The following SLC7A5 variants were observed in gnomAD, a reference collection of about 807,000 sequenced individuals.
SLC7A5 encodes the protein solute carrier family 7 member 5.
SLC7A5 carries 23 observed loss-of-function variants against 50.2 expected under a neutral mutation model. The observed-to-expected ratio is 0.46, with a 90% CI of 0.33 to 0.65. The LOEUF (loss-of-function observed/expected upper bound fraction) is 0.65. Ranked by LOEUF, SLC7A5 falls within the 30% of genes least tolerant of loss-of-function variation. SLC7A5 has a pLI of 0.02. For synonymous variants in SLC7A5, 393 were observed against 330.6 expected, an observed-to-expected ratio of 1.19 and a Z score of -2.05; for missense variants, 578 against 684.4, an observed-to-expected ratio of 0.84 and a Z score of 1.73.
chr16:87,860,395 C>T lies in SLC7A5; in HGVS notation c.538+8490G>A, dbSNP rs1241369446. On this transcript the variant is annotated intron_variant, in intron 1 of 9. Transcript: ENST00000261622. The surrounding 1 kb of genome is among the most constrained non-coding windows in gnomAD (Gnocchi z 4.8). ...ACACACACACACACACACACACACA[C>T]ACACATATATATATAAAGAAAAAGG... Among the ~76,000 whole-genome samples the T allele has an allele frequency of 4.5e-3, 295 of 65,752 alleles. 6 individuals are homozygous for T. The highest frequency in any genetic ancestry group is 0.022 in the Middle Eastern group (2 of 90). 43.1% of individuals were successfully genotyped at this position (65,752 alleles called of 152,430 possible).
At chr16:87,836,450 C>A (rs1294779271) in intron 8 of SLC7A5, 48 bp downstream of exon 8, 2 of 1,600,138 alleles carry the variant, frequency 1.2e-6, no homozygotes, top group African/African-American at 1.3e-5. Flanking sequence ...ACCCACGGAC[C>A]CTGCCTCTGT....
intron 3 of SLC7A5, 94 bp from the exon 4 acceptor site, chr16:87,840,567 GC>G: frequency 9.1e-7 from 1 of 1,093,372 alleles, no homozygotes; most frequent in Non-Finnish European, 1.4e-6. Context: ...TGGTGAGCCT[GC>G]CCCCCGGTGG....
chr16:87,852,407 G>A lies in SLC7A5; in HGVS notation c.539-558C>T, dbSNP rs2055241502. Reference sequence around the variant, plus strand: ...TCACCTGGGGACGGCAGCCTGGGAGGGGCCACAGGGGCCTGTGGTGAGCAG... The same window carrying A: ...TCACCTGGGGACGGCAGCCTGGGAGAGGCCACAGGGGCCTGTGGTGAGCAG... On this transcript the variant is annotated intron_variant, in intron 1 of 9. Transcript: ENST00000261622. The surrounding 1 kb of genome is among the most constrained non-coding windows in gnomAD (Gnocchi z 4.5). Among the ~76,000 whole-genome samples the A allele has an allele frequency of 6.6e-6, 1 of 152,176 alleles. No individual in the cohort carries two copies. Among genetic ancestry groups the A allele is most frequent in the African/African-American group, 2.4e-5 (1 of 41,438 alleles).
At chr16:87,846,597 C>T (rs1177950825) in intron 2 of SLC7A5, among the ~76,000 whole-genome samples, 1 of 152,180 alleles carries the variant, frequency 6.6e-6, no homozygotes, top group African/African-American at 2.4e-5. Flanking sequence ...CCAGACAGCT[C>T]ACTCTCCCAC....
chr16:87,845,846 T>C (rs1463122583), intron 2 of SLC7A5, among the ~76,000 whole-genome samples: 1 of 152,104 alleles, frequency 6.6e-6, no homozygotes, highest in Non-Finnish European at 1.5e-5. Flanking sequence ...CCTCTGTCCA[T>C]GCGTCTGACG....
In SLC7A5 at chr16:87,839,799, G is replaced by A; in HGVS notation, c.842C>T (p.Ser281Phe). Residue 281 changes from serine to phenylalanine, a missense_variant, in exon 5 of 10, where the codon TCC (serine) becomes TTC (phenylalanine). Around this residue, in one of 2 missense-constraint regions of SLC7A5, gnomAD observed 465 missense variants for 594.6 expected, o/e 0.78. Transcript: ENST00000261622. Reference sequence around the variant, plus strand: ...GTACACCAGCGTCACGATGGGCAGGGAGATGATGATGGCCAGGGGCAGGTT... The same window carrying A: ...GTACACCAGCGTCACGATGGGCAGGAAGATGATGATGGCCAGGGGCAGGTT... ...YRNLPLAIII[S>F]LPIVTLVYVL... is the part of the protein sequence containing the mutation. The A allele has an allele frequency of 6.2e-7, 1 of 1,613,980 alleles. No individual in the cohort carries two copies. The highest frequency in any genetic ancestry group is 8.5e-7 in the Non-Finnish European group (1 of 1,179,988).
chr16:87,833,526 G>A lies in SLC7A5; in HGVS notation c.1469-501C>T, dbSNP rs889619104. On this transcript the variant is annotated intron_variant, in intron 9 of 9. Transcript: ENST00000261622. This position sits in a 1 kb window ranked among gnomAD's most constrained non-coding sequence, Gnocchi z 6.0. ...GGGGGACTGCTTTCAGGATAGAGACGGGGGTTTGCTTTAAGCTCTTGGTGT... is the reference window on the plus strand; with the variant it reads ...GGGGGACTGCTTTCAGGATAGAGACAGGGGTTTGCTTTAAGCTCTTGGTGT... Among the ~76,000 whole-genome samples the A allele has an allele frequency of 3.9e-5, 6 of 152,196 alleles. No individual in the cohort carries two copies.
chr16:87,857,919 C>A (rs2055341544), intron 1 of SLC7A5, among the ~76,000 whole-genome samples: 1 of 152,170 alleles, frequency 6.6e-6, no homozygotes, highest in Non-Finnish European at 1.5e-5. Flanking sequence ...CTGACACATT[C>A]ATTTTAAACA....
At chr16:87,846,215 T>A (rs1166062171) in intron 2 of SLC7A5, among the ~76,000 whole-genome samples, 1 of 152,154 alleles carries the variant, frequency 6.6e-6, no homozygotes. Flanking sequence ...GTCCTGTCTG[T>A]CCCTGCATGA....
rs1309295724 is a variant in SLC7A5, at chr16:87,852,297, A to G, written c.539-448T>C. On this transcript the variant is annotated intron_variant, in intron 1 of 9. Coordinates refer to ENST00000261622, the MANE Select transcript of SLC7A5 (RefSeq NM_003486.7). The surrounding 1 kb of genome is among the most constrained non-coding windows in gnomAD (Gnocchi z 4.5). Reference sequence around the variant, plus strand: ...CACAGCCCGACTGCCGGACTCCATGAGGGCGGGGCCCTTTCCTCAAAGAGG... The same window carrying G: ...CACAGCCCGACTGCCGGACTCCATGGGGGCGGGGCCCTTTCCTCAAAGAGG... 6.6e-6 allele frequency among the ~76,000 whole-genome samples: 1 copy of G among 152,282 alleles called. No individual in the cohort carries two copies. Among genetic ancestry groups the G allele is most frequent in the Non-Finnish European group, 1.5e-5 (1 of 68,020 alleles).
rs2055388183 is a variant in SLC7A5, at chr16:87,860,783, C to T, written c.538+8102G>A. On this transcript the variant is annotated intron_variant, in intron 1 of 9. Transcript: ENST00000261622. This position sits in a 1 kb window ranked among gnomAD's most constrained non-coding sequence, Gnocchi z 4.8. ...TTTGCGGGCGTCACGCTCCAAGGCC[C>T]AGAATAGGAGGTCGGTGCTCATTCC... 6.6e-6 allele frequency among the ~76,000 whole-genome samples: 1 copy of T among 152,214 alleles called. No homozygotes were observed. Among genetic ancestry groups the T allele is most frequent in the Non-Finnish European group, 1.5e-5 (1 of 68,036 alleles).
intron 7 of SLC7A5, among the ~76,000 whole-genome samples, chr16:87,837,073 C>T (rs143194240): frequency 2.4e-4 from 36 of 152,354 alleles, no homozygotes; most frequent in African/African-American, 7.9e-4. Flanking sequence ...TCCCGAGGAC[C>T]GTGCAGCTGC....
chr16:87,834,551 A>G lies in SLC7A5; in HGVS notation c.1331T>C (p.Leu444Pro). 6.3e-7 allele frequency: 1 copy of G among 1,598,880 alleles called. No homozygotes were observed. The highest frequency in any genetic ancestry group is 8.5e-7 in the Non-Finnish European group (1 of 1,174,438). ...ALPVFFILAC[L>P]FLIAVSFWKT... ...CCAGAAGGAGACGGCGATCAGGAAG[A>G]GGCAGGCCAGGATGAAGAACACAGG... Residue 444 changes from leucine to proline, a missense_variant, in exon 9 of 10, where the codon CTC (leucine) becomes CCC (proline). Around this residue, in one of 2 missense-constraint regions of SLC7A5, gnomAD observed 465 missense variants for 594.6 expected, o/e 0.78. Transcript: ENST00000261622.
intron 2 of SLC7A5, among the ~76,000 whole-genome samples, chr16:87,845,865 C>T (rs1481021013): frequency 6.6e-6 from 1 of 152,162 alleles, no homozygotes; most frequent in Non-Finnish European, 1.5e-5. Context: ...CGAAGGGCAC[C>T]GGGAGGTGAA....
chr16:87,843,716 T>C (rs1409795227), intron 2 of SLC7A5, among the ~76,000 whole-genome samples: 1 of 152,128 alleles, frequency 6.6e-6, no homozygotes, highest in African/African-American at 2.4e-5. Context: ...GCGGCGCTAC[T>C]GGCACGGAGC....
chr16:87,839,780 C>T lies in SLC7A5; in HGVS notation c.861G>A (p.Leu287=). Residue 287 remains leucine, a synonymous_variant, in exon 5 of 10, where the codon CTG becomes CTA. Transcript: ENST00000261622. ...AGGCCAGGTTGGTCAGCACGTACAC[C>T]AGCGTCACGATGGGCAGGGAGATGA... The part of the protein sequence containing the change: ...AIIISLPIVT[L]VYVLTNLAYF... The T allele has an allele frequency of 6.2e-7, 1 of 1,613,974 alleles. No homozygotes were observed. Among genetic ancestry groups the T allele is most frequent in the Non-Finnish European group, 8.5e-7 (1 of 1,179,990 alleles).
chr16:87,855,479 C>G (rs984217646), intron 1 of SLC7A5, among the ~76,000 whole-genome samples: 5 of 152,144 alleles, frequency 3.3e-5, no homozygotes, highest in Admixed American at 3.3e-4. Flanking sequence ...ACAGCACCCC[C>G]ACAACTTGTA....
At chr16:87,863,286 C>T (rs1289374574) in intron 1 of SLC7A5, among the ~76,000 whole-genome samples, 3 of 152,152 alleles carry the variant, frequency 2.0e-5, no homozygotes, top group African/African-American at 7.2e-5. Flanking sequence ...TTCCCACTTA[C>T]TGAGAACTCG....
chr16:87,849,885 C>A (rs1302495837), intron 2 of SLC7A5, among the ~76,000 whole-genome samples: 1 of 152,160 alleles, frequency 6.6e-6, no homozygotes, highest in African/African-American at 2.4e-5. Context: ...TTGACCTGGG[C>A]AACCTTCCAG....
Sources: allele counts gnomAD v4.1 joint callset (sites outside exome capture counted in the v4.1 genomes callset), GRCh38; gene constraint gnomAD v4.1.1; regional missense constraint gnomAD v4.1.1; non-coding constraint Gnocchi (gnomAD v3.1); transcripts MANE v1.5; gene names NCBI Gene and HGNC (gene_info 2026-07-23, HGNC 2026-07-21).